The following ALDH1L1 variants were observed in gnomAD, a reference collection of about 807,000 sequenced individuals.
The protein encoded by ALDH1L1 is aldehyde dehydrogenase 1 family member L1.
ALDH1L1 carries 68 observed loss-of-function variants against 101.1 expected under a neutral mutation model. The observed-to-expected ratio is 0.67, with a 90% CI of 0.55 to 0.82. The LOEUF is 0.82. ALDH1L1 is among the 40% of genes least tolerant of loss of function. ALDH1L1 has a pLI of 0.00. For synonymous variants in ALDH1L1, 486 were observed against 470.8 expected, an observed-to-expected ratio of 1.03 and a Z score of -0.42; for missense variants, 1,087 against 1,172.7, an observed-to-expected ratio of 0.93 and a Z score of 1.07.
In ALDH1L1 at chr3:126,131,376, G is replaced by A; in HGVS notation, c.1623+8C>T. The A allele has an allele frequency of 6.3e-7, 1 of 1,590,458 alleles. No homozygotes were observed. The highest frequency in any genetic ancestry group is 8.6e-7 in the Non-Finnish European group (1 of 1,161,708). ...TGTGCTCACACTGGGTGGGAGCCTG[G>A]GCCCCACCTGGATCTTGTCACACCA... On this transcript the variant is annotated splice_region_variant and intron_variant, in intron 13 of 22. Coordinates refer to ENST00000393434, the MANE Select transcript of ALDH1L1 (RefSeq NM_012190.4).
intron 1 of ALDH1L1, among the ~76,000 whole-genome samples, chr3:126,166,367 T>G (rs746751850): frequency 6.6e-6 from 1 of 152,194 alleles, no homozygotes; most frequent in Non-Finnish European, 1.5e-5. Flanking sequence ...ACTCAATCCT[T>G]TCATTTAACT....
At chr3:126,154,449 C>T (rs2080865903) in intron 6 of ALDH1L1, 105 bp downstream of exon 6, 3 of 1,182,014 alleles carry the variant, frequency 2.5e-6, no homozygotes, top group Admixed American at 3.5e-5. Context: ...GGGGCCAGGG[C>T]AGTAGCTATT....
rs2080423301 is a variant in ALDH1L1 at position 126,135,666 on chromosome 3, T to C, written c.1345-4A>G. 3 of 1,536,132 alleles carry C rather than the reference T, an allele frequency of 2.0e-6. No homozygotes were observed. Among genetic ancestry groups the C allele is most frequent in the African/African-American group, 1.4e-5 (1 of 71,802 alleles). On this transcript the variant is annotated splice_region_variant and splice_polypyrimidine_tract_variant and intron_variant, in intron 11 of 22. Coordinates refer to ENST00000393434, the MANE Select transcript of ALDH1L1 (RefSeq NM_012190.4). Reference sequence around the variant, plus strand: ...CCAGGGATACCTGGCAGATGACCTATAGTGGAAGCAGAGCCATGACAAGTT... The same window carrying C: ...CCAGGGATACCTGGCAGATGACCTACAGTGGAAGCAGAGCCATGACAAGTT...
intron 1 of ALDH1L1, among the ~76,000 whole-genome samples, chr3:126,190,910 T>G (rs1375671109): frequency 6.6e-6 from 1 of 152,208 alleles, no homozygotes; most frequent in African/African-American, 2.4e-5. Flanking sequence ...CAATCTCAGG[T>G]AAAAGCAAAA....
At chr3:126,124,753 C>T (rs1285415470) in intron 15 of ALDH1L1, among the ~76,000 whole-genome samples, 1 of 152,168 alleles carries the variant, frequency 6.6e-6, no homozygotes, top group Non-Finnish European at 1.5e-5. Flanking sequence ...TTTCTAAAGC[C>T]AGAGGTTAAG....
chr3:126,184,455 G>A (rs1374228753), upstream of ALDH1L1, among the ~76,000 whole-genome samples: 1 of 152,220 alleles, frequency 6.6e-6, no homozygotes. Context: ...CAGGGACAGG[G>A]CCTGTTTCAT....
Position 126,137,952 on chromosome 3 carries a change from T to C in ALDH1L1, c.1085A>G (p.Glu362Gly). The change falls in exon 10 of 23, where the codon GAG becomes GGG. Residue 362 changes from glutamate to glycine, a missense_variant. Coordinates refer to ENST00000393434, the MANE Select transcript of ALDH1L1 (RefSeq NM_012190.4). ...GCCATCACACAGCTCCTTCACTTCC[T>C]CCACCAGCCTGGAGGAAGGAGATGG... is the stretch of plus-strand genomic sequence containing the variant. ...AASVDVVRLV[E>G]EVKELCDGLE... 1 of 1,613,900 alleles carries C rather than the reference T, an allele frequency of 6.2e-7. No individual in the cohort carries two copies. Among genetic ancestry groups the C allele is most frequent in the Non-Finnish European group, 8.5e-7 (1 of 1,179,926 alleles).
intron 1 of ALDH1L1, among the ~76,000 whole-genome samples, chr3:126,193,560 T>C (rs186712039): frequency 7.9e-5 from 12 of 152,352 alleles, no homozygotes; most frequent in Admixed American, 7.8e-4. Context: ...TCTCAGCATG[T>C]CATTCAAAGC....
intron 1 of ALDH1L1, among the ~76,000 whole-genome samples, chr3:126,166,667 C>T (rs189998958): frequency 1.9e-3 from 283 of 151,884 alleles, no homozygotes; most frequent in African/African-American, 6.4e-3. Context: ...GTATCAAATC[C>T]AGCTTCCCAA....
chr3:126,106,019 T>C, intron 21 of ALDH1L1, 94 bp from the exon 22 acceptor site: 1 of 1,279,974 alleles, frequency 7.8e-7, no homozygotes, highest in Admixed American at 2.2e-5. Flanking sequence ...CCCAGCTGCA[T>C]AAGACCTTCC....
At chr3:126,160,818 C>G in intron 2 of ALDH1L1, 35 bp downstream of exon 2, 1 of 1,608,152 alleles carries the variant, frequency 6.2e-7, no homozygotes, top group Non-Finnish European at 8.5e-7. Flanking sequence ...GCGGGCCGCC[C>G]TCCATCAGCT....
chr3:126,107,370 C>T (rs2276730), intron 20 of ALDH1L1, 124 bp from the exon 21 acceptor site: 269,064 of 743,220 alleles, frequency 0.36, 50,734 homozygotes, highest in Middle Eastern at 0.41. Flanking sequence ...CACCGGGTCA[C>T]GGCACCCGTG....
At chr3:126,107,025 C>T in intron 21 of ALDH1L1, 116 bp downstream of exon 21, 1 of 942,440 alleles carries the variant, frequency 1.1e-6, no homozygotes, top group Non-Finnish European at 1.7e-6. Context: ...ACGGCTTGCG[C>T]CCTGCCTGAG....
chr3:126,142,077 C>T (rs2080579314), intron 9 of ALDH1L1, among the ~76,000 whole-genome samples: 1 of 149,716 alleles, frequency 6.7e-6, no homozygotes, highest in African/African-American at 2.5e-5. Flanking sequence ...AATTATATGG[C>T]AACAGATTTG....
At chr3:126,114,117 TG>T (rs1190241048) in intron 18 of ALDH1L1, among the ~76,000 whole-genome samples, 51 of 152,194 alleles carry the variant, frequency 3.4e-4, no homozygotes. Flanking sequence ...CACATTTTAT[TG>T]TGTATATTTG....
intron 1 of ALDH1L1, among the ~76,000 whole-genome samples, chr3:126,164,898 T>G (rs2081135699): frequency 6.6e-6 from 1 of 152,224 alleles, no homozygotes; most frequent in Non-Finnish European, 1.5e-5. Context: ...ATTGACTTTT[T>G]AGTAATAGCC....
At chr3:126,112,943 G>T in intron 18 of ALDH1L1, 63 bp from the exon 19 acceptor site, 4 of 1,503,312 alleles carry the variant, frequency 2.7e-6, no homozygotes, top group South Asian at 1.1e-5. Context: ...CCCCGGCTCT[G>T]CCAGGGCCCA....
At chr3:126,113,947 G>A (rs1231288902) in intron 18 of ALDH1L1, among the ~76,000 whole-genome samples, 9 of 152,212 alleles carry the variant, frequency 5.9e-5, no homozygotes, top group Non-Finnish European at 1.5e-5. Flanking sequence ...CCACAGGTGG[G>A]AGCACAGACG....
chr3:126,182,670 A>G (rs901520478), upstream of ALDH1L1, among the ~76,000 whole-genome samples: 8 of 152,104 alleles, frequency 5.3e-5, no homozygotes, highest in Non-Finnish European at 1.0e-4. Context: ...TAAAATTGAG[A>G]AGGCAGATGG....
Sources: allele counts gnomAD v4.1 joint callset (sites outside exome capture counted in the v4.1 genomes callset), GRCh38; gene constraint gnomAD v4.1.1; transcripts MANE v1.5; gene names NCBI Gene and HGNC (gene_info 2026-07-23, HGNC 2026-07-21).